Variants in SYNJ1 observed in about 807,000 individuals in gnomAD.
The protein encoded by SYNJ1 is polyphosphatidylinositol phosphatase SYNJ1.
SYNJ1 carries 78 observed loss-of-function variants against 168.2 expected under a neutral mutation model. The observed-to-expected ratio is 0.46, with a 90% CI of 0.39 to 0.56. The LOEUF (loss-of-function observed/expected upper bound fraction) is 0.56, where lower values mean the gene tolerates loss of function less well. Among genes scored for constraint, SYNJ1 ranks in the 20% least tolerant of loss-of-function variants. The probability of loss-of-function intolerance (pLI) is 0.00; values close to 1 mark genes in which losing one functional copy is unlikely to be tolerated. For missense variants in SYNJ1, 1,303 were observed against 1,597.6 expected (o/e 0.82, Z 3.14); for synonymous variants, 539 against 548.6 (o/e 0.98, Z 0.24).
intron 31 of SYNJ1, among the ~76,000 whole-genome samples, chr21:32,635,460 G>A (rs987489974): frequency 6.6e-6 from 1 of 152,134 alleles, no homozygotes; most frequent in Non-Finnish European, 1.5e-5. Context: ...ACCACAAAGA[G>A]TGCCCTCACC....
intron 26 of SYNJ1, among the ~76,000 whole-genome samples, chr21:32,644,448 AAACTC>A: frequency 6.6e-6 from 1 of 152,354 alleles, no homozygotes; most frequent in Admixed American, 6.5e-5. Flanking sequence ...GGAATTGTGA[AAACTC>A]ATCTCATCTT....
intron 24 of SYNJ1, 118 bp downstream of exon 24, chr21:32,646,275 G>A: frequency 1.0e-6 from 1 of 994,880 alleles, no homozygotes; most frequent in African/African-American, 1.6e-5. Context: ...TTCCTATTCT[G>A]TACCGGAGAA....
rs758671538 is a variant in SYNJ1, at chr21:32,676,296, T to C, written c.1534+36A>G. On this transcript the variant is annotated intron_variant, in intron 13 of 32. Coordinates refer to ENST00000674351, the MANE Select transcript of SYNJ1 (RefSeq NM_203446.3). ...CGACTTCAGAAAAAATAAGAAAAAA[T>C]TGCTTTTATTTATAGATTGATTTTC... 2.6e-6 allele frequency: 4 copies of C among 1,511,942 alleles called. No individual in the cohort carries two copies. In the Admixed American group the frequency reaches 6.6e-5, roughly 25 times the overall value. 93.7% of individuals were successfully genotyped at this position (1,511,942 alleles called of 1,614,324 possible). A position where few individuals can be genotyped will look rare whatever the true frequency, so the allele number is the denominator to read the frequency against.
chr21:32,631,666 C>T lies in SYNJ1; in HGVS notation c.*139G>A. 6.2e-7 allele frequency: 1 copy of T among 1,614,170 alleles called. No homozygotes were observed. The highest frequency in any genetic ancestry group is 8.5e-7 in the Non-Finnish European group (1 of 1,180,030). ...GGCAACTGAATCAACCTCTTTGGGT[C>T]TGGGGTGGGAACAGGTGACGTTTGA... On this transcript the variant is annotated 3_prime_UTR_variant, in exon 33 of 33. Coordinates refer to ENST00000674351, the MANE Select transcript of SYNJ1 (RefSeq NM_203446.3).
At chr21:32,698,655 T>C (rs1036145803) in intron 4 of SYNJ1, among the ~76,000 whole-genome samples, 1 of 152,246 alleles carries the variant, frequency 6.6e-6, no homozygotes, top group Non-Finnish European at 1.5e-5. Flanking sequence ...TAGTCCCATG[T>C]GTTCTGCTCA....
At chr21:32,676,274 C>A in intron 13 of SYNJ1, 58 bp downstream of exon 13, 1 of 1,401,688 alleles carries the variant, frequency 7.1e-7, no homozygotes, top group South Asian at 1.4e-5. Context: ...ACAATATCGA[C>A]TTCAGAAAAA....
chr21:32,659,473 C>T (rs1225631910), intron 18 of SYNJ1, among the ~76,000 whole-genome samples: 2 of 152,102 alleles, frequency 1.3e-5, no homozygotes, highest in African/African-American at 2.4e-5. Context: ...AAGCAGATAG[C>T]CCAGCACTGC....
In SYNJ1 at chr21:32,641,901, T is replaced by C; in HGVS notation, c.3583A>G (p.Arg1195Gly). Residue 1195 changes from arginine (R) to glycine (G), a missense_variant, in exon 29 of 33, where the codon AGA becomes GGA. Arg to Gly is a moderately radical substitution (Grantham distance 125). This residue lies in a region of SYNJ1 where 383 missense variants were observed against 388.8 expected (regional missense o/e 0.99). Coordinates refer to ENST00000674351, the MANE Select transcript of SYNJ1 (RefSeq NM_203446.3). Reference sequence around the variant, plus strand: ...CCAGGCGAGGTTTTACCTACCGGTCTGGCTGTACTGTATCCAGCAGGTCCT... The same window carrying C: ...CCAGGCGAGGTTTTACCTACCGGTCCGGCTGTACTGTATCCAGCAGGTCCT... Reference protein sequence around the residue: ...GPGPAGYSTARPTIPPRAGVI... With the variant: ...GPGPAGYSTAGPTIPPRAGVI... The C allele has an allele frequency of 6.2e-7, 1 of 1,611,016 alleles. No individual in the cohort carries two copies. Among genetic ancestry groups the C allele is most frequent in the Non-Finnish European group, 8.5e-7 (1 of 1,178,414 alleles).
At chr21:32,717,866 C>T (rs2043080484) in intron 2 of SYNJ1, among the ~76,000 whole-genome samples, 1 of 152,200 alleles carries the variant, frequency 6.6e-6, no homozygotes. Context: ...ATATTCCCTA[C>T]TCAGGAATCC....
At chr21:32,704,819 C>T (rs2146254384) in intron 2 of SYNJ1, among the ~76,000 whole-genome samples, 1 of 152,192 alleles carries the variant, frequency 6.6e-6, no homozygotes, top group East Asian at 1.9e-4. Context: ...CTCACAAATG[C>T]AAACAGAGAA....
Position 32,631,511 on chromosome 21 carries a change from C to A in SYNJ1, c.*294G>T. On this transcript the variant is annotated 3_prime_UTR_variant, in exon 33 of 33. Coordinates refer to ENST00000674351, the MANE Select transcript of SYNJ1 (RefSeq NM_203446.3). Reference sequence around the variant, plus strand: ...CAGTCCTGTCACTGAAAGGATTTGTCCTGGTCAAGCCAGTAATAAATGGGT... The same window carrying A: ...CAGTCCTGTCACTGAAAGGATTTGTACTGGTCAAGCCAGTAATAAATGGGT... 6.2e-7 allele frequency: 1 copy of A among 1,614,030 alleles called. No homozygotes were observed. The highest frequency in any genetic ancestry group is 1.1e-5 in the South Asian group (1 of 91,070).
At chr21:32,687,646 TAACTC>T (rs931032715) in intron 7 of SYNJ1, among the ~76,000 whole-genome samples, 6 of 152,220 alleles carry the variant, frequency 3.9e-5, no homozygotes, top group African/African-American at 1.2e-4. Flanking sequence ...ATACTTTCTT[TAACTC>T]AACATGTCTA....
intron 2 of SYNJ1, among the ~76,000 whole-genome samples, chr21:32,713,166 GGAT>G (rs1280627700): frequency 6.7e-6 from 1 of 149,696 alleles, no homozygotes; most frequent in African/African-American, 2.5e-5. Flanking sequence ...ATGTCAACAT[GGAT>G]GATTTCCCAT....
Position 32,670,355 on chromosome 21 carries a change from T to C in SYNJ1, c.1744A>G (p.Thr582Ala), listed in dbSNP as rs370817503. The change falls in exon 15 of 33, where the codon ACT becomes GCT. Residue 582 changes from threonine to alanine, a missense_variant. Thr to Ala is a moderately conservative substitution (Grantham distance 58). This residue lies in a region of SYNJ1 where 920 missense variants were observed against 1,208.8 expected (regional missense o/e 0.76). Coordinates refer to ENST00000674351, the MANE Select transcript of SYNJ1 (RefSeq NM_203446.3). ...TCAAAACCAATTGCAAATATATCAG[T>C]TGGCTTACTTCTTTTATCTAAAATT... ...QEFQDKRSKP[T>A]DIFAIGFEEM... The C allele has an allele frequency of 2.0e-5, 32 of 1,613,182 alleles. No individual in the cohort carries two copies. The highest frequency in any genetic ancestry group is 2.6e-5 in the Non-Finnish European group (31 of 1,179,730).
In SYNJ1 at chr21:32,630,849, C is replaced by A; in HGVS notation, c.*956G>T. 1 of 762,024 alleles carries A rather than the reference C, an allele frequency of 1.3e-6. No homozygotes were observed. The highest frequency in any genetic ancestry group is 2.0e-6 in the Non-Finnish European group (1 of 490,326). The allele number at this position is 762,024 out of a possible 1,614,324, so 47.2% of individuals were successfully genotyped here. On this transcript the variant is annotated 3_prime_UTR_variant, in exon 33 of 33. Coordinates refer to ENST00000674351, the MANE Select transcript of SYNJ1 (RefSeq NM_203446.3). ...CCTTATTTCCAATATACACATAGTC[C>A]AACTCTGTACACATCAAATAGTGGT... is the stretch of plus-strand genomic sequence containing the variant.
chr21:32,723,992 G>A (rs1279035911), intron 2 of SYNJ1, among the ~76,000 whole-genome samples: 1 of 152,134 alleles, frequency 6.6e-6, no homozygotes, highest in Non-Finnish European at 1.5e-5. Flanking sequence ...GCTCAGATTA[G>A]AGAAGCAGCA....
In SYNJ1 at chr21:32,645,687, G is replaced by A; in HGVS notation, c.3350C>T (p.Pro1117Leu). The change falls in exon 25 of 33, where the codon CCC (proline) becomes CTC (leucine). Residue 1117 changes from proline to leucine, a missense_variant. Pro to Leu is a moderately conservative substitution (Grantham distance 98). This residue lies in a region of SYNJ1 where 383 missense variants were observed against 388.8 expected (regional missense o/e 0.99). Transcript: ENST00000674351. Reference sequence around the variant, plus strand: ...TCTCTGTGGGGGAGCCGGGCGTGTGGGAGGGGCGACCGGGCGGGGCGGCGG... The same window carrying A: ...TCTCTGTGGGGGAGCCGGGCGTGTGAGAGGGGCGACCGGGCGGGGCGGCGG... The part of the protein sequence containing the change: ...RPPPPRPVAP[P>L]TRPAPPQRPP... The A allele has an allele frequency of 6.6e-7, 1 of 1,506,886 alleles. No individual in the cohort carries two copies. The allele number at this position is 1,506,886 out of a possible 1,614,324, so 93.3% of individuals were successfully genotyped here.
At position 32,639,693 on chromosome 21, in the gene SYNJ1, G is replaced by C. The variant is rs2145725639; in HGVS notation, c.3675C>G (p.Ser1225Arg). 1 of 1,613,980 alleles carries C rather than the reference G, an allele frequency of 6.2e-7. No homozygotes were observed. The highest frequency in any genetic ancestry group is 8.5e-7 in the Non-Finnish European group (1 of 1,179,966). Reference protein sequence around the residue: ...SAGRLTPESQSKTSETSKGST... With the variant: ...SAGRLTPESQRKTSETSKGST... ...TACCTTTCGACGTTTCTGATGTTTT[G>C]CTTTGGCTTTCAGGAGTCAGTCTTC... The change falls in exon 30 of 33, where the codon AGC becomes AGG. Residue 1225 changes from serine (S) to arginine (R), a missense_variant. This residue lies in a region of SYNJ1 where 383 missense variants were observed against 388.8 expected (regional missense o/e 0.99). Transcript: ENST00000674351.
rs562835143 is a variant in SYNJ1 at position 32,684,907 on chromosome 21, C to T, written c.1119-788G>A. On this transcript the variant is annotated intron_variant, in intron 9 of 32. Coordinates refer to ENST00000674351, the MANE Select transcript of SYNJ1 (RefSeq NM_203446.3). Reference sequence around the variant, plus strand: ...GTTAAGACTTAAGTACGGCCGGGCGCGGTGGCTCACGCCTGTAATCCCAGC... The same window carrying T: ...GTTAAGACTTAAGTACGGCCGGGCGTGGTGGCTCACGCCTGTAATCCCAGC... Among the ~76,000 whole-genome samples, 40 of 152,158 alleles carry T rather than the reference C, an allele frequency of 2.6e-4. No individual in the cohort carries two copies. The Middle Eastern group carries it at 0.01, about 39-fold the overall frequency.
Sources: gnomAD v4.1 joint callset for allele counts (sites outside exome capture counted in the v4.1 genomes callset) on GRCh38, gnomAD v4.1.1 for gene constraint, gnomAD v4.1.1 regional missense constraint, MANE v1.5 for transcripts, NCBI Gene and HGNC (gene_info 2026-07-23, HGNC 2026-07-21) for gene names.